Variants in PDE4B observed in about 807,000 individuals in gnomAD.
PDE4B encodes the protein phosphodiesterase 4B.
In PDE4B, 20 loss-of-function variants were observed where a neutral mutation model predicts 82.2. The ratio of observed to expected loss-of-function variants is 0.24; its 90% CI spans 0.17 to 0.35. The LOEUF (loss-of-function observed/expected upper bound fraction) is 0.35. PDE4B is among the 10% of genes least tolerant of loss of function. The probability of loss-of-function intolerance (pLI) is 1.00; values close to 1 mark genes in which losing one functional copy is unlikely to be tolerated. For missense variants in PDE4B, 655 were observed against 907.2 expected, an observed-to-expected ratio of 0.72 and a Z score of 3.57; for synonymous variants, 320 against 318.9, an observed-to-expected ratio of 1.00 and a Z score of -0.04.
At chr1:65,842,773 A>G (rs778137783) in intron 1 of PDE4B, among the ~76,000 whole-genome samples, 2 of 152,214 alleles carry the variant, frequency 1.3e-5, no homozygotes, top group African/African-American at 4.8e-5. Context: ...CACAGTCATC[A>G]TATACATGCG....
chr1:66,086,284 T>C (rs1657004810), intron 3 of PDE4B, among the ~76,000 whole-genome samples: 1 of 152,134 alleles, frequency 6.6e-6, no homozygotes. Flanking sequence ...GGGAAGCACT[T>C]TCCTTCGTGC....
chr1:66,291,984 C>A (rs185296004), intron 7 of PDE4B, among the ~76,000 whole-genome samples: 1 of 152,046 alleles, frequency 6.6e-6, no homozygotes, highest in Admixed American at 6.6e-5. Context: ...GAGCCATTCA[C>A]GCATTCTGCA....
intron 6 of PDE4B, among the ~76,000 whole-genome samples, chr1:66,261,471 T>C (rs1654675573): frequency 6.6e-6 from 1 of 152,160 alleles, no homozygotes. Flanking sequence ...TGACTTCAGA[T>C]CCAGGGTGCC....
intron 3 of PDE4B, among the ~76,000 whole-genome samples, chr1:66,067,965 GA>G (rs1655950556): frequency 6.7e-6 from 1 of 150,372 alleles, no homozygotes; most frequent in Non-Finnish European, 1.5e-5. Flanking sequence ...GAGGGGGAGA[GA>G]TAGCATTAGG....
intron 3 of PDE4B, among the ~76,000 whole-genome samples, chr1:66,012,172 G>A (rs575292423): frequency 2.0e-4 from 30 of 152,212 alleles, no homozygotes; most frequent in African/African-American, 6.7e-4. Context: ...ATTTTTCAGT[G>A]AAAGACAATC....
chr1:65,906,108 T>C (rs912006622), intron 1 of PDE4B, among the ~76,000 whole-genome samples: 1 of 152,154 alleles, frequency 6.6e-6, no homozygotes, highest in Non-Finnish European at 1.5e-5. Context: ...TTAATTGAAA[T>C]CCTAGAGTGG....
At chr1:66,125,413 C>A (rs1478297709) in intron 3 of PDE4B, among the ~76,000 whole-genome samples, 1 of 152,204 alleles carries the variant, frequency 6.6e-6, no homozygotes, top group African/African-American at 2.4e-5. Flanking sequence ...CCACCTGTCT[C>A]GGCCTTCCAA....
intron 3 of PDE4B, among the ~76,000 whole-genome samples, chr1:66,179,558 A>G (rs1430938468): frequency 6.6e-6 from 1 of 152,212 alleles, no homozygotes; most frequent in African/African-American, 2.4e-5. Flanking sequence ...ATATAAACTA[A>G]CCTATTTGTT....
chr1:66,203,927 T>G lies in PDE4B; in HGVS notation c.282-43533T>G, dbSNP rs191735899. Among the ~76,000 whole-genome samples the G allele has an allele frequency of 2.5e-3, 375 of 152,332 alleles. 2 individuals are homozygous for G. The highest frequency in any genetic ancestry group is 8.6e-3 in the African/African-American group (356 of 41,574). On this transcript the variant is annotated intron_variant, in intron 3 of 16. Coordinates refer to ENST00000341517, the MANE Select transcript of PDE4B (RefSeq NM_002600.4). Reference sequence around the variant, plus strand: ...CTTTGGAGGAGGAGAGGTGCTCTGCTTTTTAGAGTTTCCAGTTTTTCTGCT... The same window carrying G: ...CTTTGGAGGAGGAGAGGTGCTCTGCGTTTTAGAGTTTCCAGTTTTTCTGCT...
intron 3 of PDE4B, among the ~76,000 whole-genome samples, chr1:65,984,576 G>A (rs147691211): frequency 5.5e-4 from 83 of 152,186 alleles, no homozygotes; most frequent in African/African-American, 1.6e-3. Flanking sequence ...CCAACATGGC[G>A]AAATCCCATC....
intron 3 of PDE4B, among the ~76,000 whole-genome samples, chr1:66,162,875 G>C (rs995839342): frequency 4.6e-5 from 7 of 152,090 alleles, no homozygotes; most frequent in Non-Finnish European, 8.8e-5. Flanking sequence ...TACAATAATG[G>C]ATCAATTAAT....
intron 1 of PDE4B, among the ~76,000 whole-genome samples, chr1:65,858,219 A>C (rs1646414786): frequency 6.6e-6 from 1 of 152,188 alleles, no homozygotes; most frequent in South Asian, 2.1e-4. Flanking sequence ...GAAAGTGTTA[A>C]AAATGAGTTC....
intron 1 of PDE4B, among the ~76,000 whole-genome samples, chr1:65,815,723 A>C (rs1645875339): frequency 6.6e-6 from 1 of 152,248 alleles, no homozygotes; most frequent in Non-Finnish European, 1.5e-5. Context: ...ATTTGATCAT[A>C]TATGACAAAG....
chr1:66,083,948 A>G (rs1656873233), intron 3 of PDE4B, among the ~76,000 whole-genome samples: 2 of 152,152 alleles, frequency 1.3e-5, no homozygotes, highest in Admixed American at 1.3e-4. Context: ...ATGTTATGTC[A>G]TAATCTCTCA....
chr1:66,297,333 C>A (rs960237108), intron 7 of PDE4B, among the ~76,000 whole-genome samples: 5 of 152,204 alleles, frequency 3.3e-5, no homozygotes, highest in African/African-American at 1.2e-4. Context: ...ATGTTCAGTA[C>A]TTTTATAAGT....
At chr1:66,315,512 G>A (rs1658964141) in intron 7 of PDE4B, among the ~76,000 whole-genome samples, 1 of 152,182 alleles carries the variant, frequency 6.6e-6, no homozygotes, top group Non-Finnish European at 1.5e-5. Flanking sequence ...CTGGAGTGCA[G>A]TGGCACGATC....
chr1:65,985,409 A>C (rs1265582316), intron 3 of PDE4B, among the ~76,000 whole-genome samples: 2 of 152,182 alleles, frequency 1.3e-5, no homozygotes, highest in East Asian at 3.8e-4. Flanking sequence ...TACAGTGTAG[A>C]TTAATACTAT....
At chr1:66,333,145 G>A (rs985650696) in intron 8 of PDE4B, among the ~76,000 whole-genome samples, 4 of 152,170 alleles carry the variant, frequency 2.6e-5, no homozygotes, top group Non-Finnish European at 5.9e-5. Context: ...ATGCTGGCAT[G>A]ACCTAAGATA....
At chr1:65,939,394 C>G (rs750463662) in intron 3 of PDE4B, among the ~76,000 whole-genome samples, 1 of 152,058 alleles carries the variant, frequency 6.6e-6, no homozygotes, top group Non-Finnish European at 1.5e-5. Context: ...TTTCTTGCAC[C>G]ATGTAGCCAA....
Sources: allele counts gnomAD v4.1 joint callset (sites outside exome capture counted in the v4.1 genomes callset), GRCh38; gene constraint gnomAD v4.1.1; transcripts MANE v1.5; gene names NCBI Gene and HGNC (gene_info 2026-07-23, HGNC 2026-07-21).